PCDHGA1: variants seen among roughly 807,000 people sequenced by gnomAD.
The protein encoded by PCDHGA1 is protocadherin gamma-A1.
In PCDHGA1, 32 loss-of-function variants were observed where a neutral mutation model predicts 58.0. The observed-to-expected ratio is 0.55, with a 90% CI of 0.42 to 0.74. PCDHGA1 has a LOEUF of 0.74. PCDHGA1 is among the 30% of genes least tolerant of loss of function. The pLI is 0.00. For synonymous variants in PCDHGA1, 498 were observed against 501.1 expected (o/e 0.99, Z 0.08); for missense variants, 1,205 against 1,182.3 (o/e 1.02, Z -0.28).
intron 1 of PCDHGA1, chr5:141,433,012 G>A (rs1402902269): frequency 2.5e-6 from 4 of 1,614,054 alleles, no homozygotes; most frequent in Non-Finnish European, 3.4e-6. Flanking sequence ...CTTTCCTGCA[G>A]ACCTATTCCC....
chr5:141,414,995 G>C (rs1431326081), intron 1 of PCDHGA1: 14 of 1,613,640 alleles, frequency 8.7e-6, no homozygotes, highest in Non-Finnish European at 1.2e-5. Context: ...CAGAACGCCT[G>C]GCTGTCCTAC....
Position 141,402,817 on chromosome 5 carries a change from C to T in PCDHGA1, c.2421+69712C>T, listed in dbSNP as rs1040353038. On this transcript the variant is annotated intron_variant, in intron 1 of 3. Transcript: ENST00000517417. ...ACAAAACCCGGCAGATACCACAAACCTGCTCCCAGGCTGCAGCAAAACTCA... is the reference window on the plus strand; with the variant it reads ...ACAAAACCCGGCAGATACCACAAACTTGCTCCCAGGCTGCAGCAAAACTCA... The T allele has an allele frequency of 6.3e-6, 8 of 1,267,616 alleles. No homozygotes were observed. In the African/African-American group the frequency reaches 1.2e-4, roughly 19 times the overall value. The allele number at this position is 1,267,616 out of a possible 1,614,324, so 78.5% of individuals were successfully genotyped here.
intron 1 of PCDHGA1, among the ~76,000 whole-genome samples, chr5:141,450,976 C>T (rs2098702750): frequency 6.6e-6 from 1 of 152,032 alleles, no homozygotes; most frequent in Admixed American, 6.6e-5. Flanking sequence ...AGGCATGTGC[C>T]ACCACACCCG....
At chr5:141,343,000 T>G (rs1321522178) in intron 1 of PCDHGA1, 2 of 152,462 alleles carry the variant, frequency 1.3e-5, no homozygotes, top group Non-Finnish European at 1.5e-5. Context: ...GATCCACTCC[T>G]CTCATGTTTC....
chr5:141,368,928 C>T (rs190760255), intron 1 of PCDHGA1, among the ~76,000 whole-genome samples: 45 of 152,290 alleles, frequency 3.0e-4, no homozygotes, highest in Middle Eastern at 3.4e-3. Flanking sequence ...GAGTGTCTGT[C>T]TAGAATTCTG....
At chr5:141,358,990 A>G (rs552120957) in intron 1 of PCDHGA1, among the ~76,000 whole-genome samples, 2 of 152,376 alleles carry the variant, frequency 1.3e-5, no homozygotes, top group Non-Finnish European at 2.9e-5. Context: ...TCATGAATGC[A>G]TATGCTTACA....
intron 1 of PCDHGA1, among the ~76,000 whole-genome samples, chr5:141,434,490 G>A (rs566645029): frequency 2.5e-4 from 38 of 152,274 alleles, no homozygotes; most frequent in Non-Finnish European, 4.9e-4. Flanking sequence ...CACCTGGCCC[G>A]CCCAGGGCAG....
chr5:141,511,537 A>C lies in PCDHGA1; in HGVS notation c.*364A>C. 6.3e-6 allele frequency: 2 copies of C among 319,254 alleles called. No individual in the cohort carries two copies. The highest frequency in any genetic ancestry group is 6.7e-5 in the South Asian group (2 of 29,854). 19.8% of individuals were successfully genotyped at this position (319,254 alleles called of 1,614,324 possible). A position where few individuals can be genotyped will look rare whatever the true frequency, so the allele number is the denominator to read the frequency against. On this transcript the variant is annotated 3_prime_UTR_variant, in exon 4 of 4. Transcript: ENST00000517417. ...TCCATCCCATGCCTCCCTCCTCCCC[A>C]CCCCACTCCAACAGTTCCTCTTTCC... is the stretch of plus-strand genomic sequence containing the variant.
chr5:141,370,781 C>T (rs774285137), intron 1 of PCDHGA1: 16 of 1,613,898 alleles, frequency 9.9e-6, no homozygotes, highest in Non-Finnish European at 1.3e-5. Context: ...TTAACGACAA[C>T]CCACCGACCT....
chr5:141,383,087 G>A, intron 1 of PCDHGA1: 2 of 1,613,912 alleles, frequency 1.2e-6, no homozygotes, highest in Non-Finnish European at 1.7e-6. Flanking sequence ...GCGGAGCGCG[G>A]AGTCCGCATC....
intron 1 of PCDHGA1, chr5:141,404,124 C>G: frequency 1.2e-6 from 2 of 1,613,272 alleles, no homozygotes; most frequent in Non-Finnish European, 1.7e-6. Flanking sequence ...GAGAATCTAT[C>G]TTTTACATTA....
intron 1 of PCDHGA1, chr5:141,390,297 G>A (rs1313373310): frequency 6.2e-7 from 1 of 1,613,826 alleles, no homozygotes; most frequent in East Asian, 2.2e-5. Context: ...TTTCCTTTAA[G>A]TATAATTTAA....
intron 1 of PCDHGA1, chr5:141,422,988 C>T: frequency 6.2e-7 from 1 of 1,614,232 alleles, no homozygotes; most frequent in Non-Finnish European, 8.5e-7. Context: ...AACCTGGCTA[C>T]CTGGTGACCA....
intron 1 of PCDHGA1, chr5:141,341,312 A>G (rs763005033): frequency 1.2e-6 from 2 of 1,614,258 alleles, no homozygotes; most frequent in Admixed American, 3.3e-5. Flanking sequence ...CACGCTCATC[A>G]GCCAGGAGAG....
chr5:141,465,501 C>T (rs1044567555), intron 1 of PCDHGA1, among the ~76,000 whole-genome samples: 1 of 152,164 alleles, frequency 6.6e-6, no homozygotes, highest in Non-Finnish European at 1.5e-5. Context: ...GGAGCATTGT[C>T]GTGGTCAGGA....
chr5:141,342,173 A>G (rs1287972648), intron 1 of PCDHGA1: 1 of 152,126 alleles, frequency 6.6e-6, no homozygotes, highest in African/African-American at 2.4e-5. Flanking sequence ...AATAATATAT[A>G]TCCTCAATAT....
chr5:141,422,877 C>A, intron 1 of PCDHGA1: 1 of 1,614,246 alleles, frequency 6.2e-7, no homozygotes. Context: ...TGTCGCTGAG[C>A]CTGTTCGTGC....
chr5:141,351,376 T>C (rs1181655493), intron 1 of PCDHGA1: 2 of 1,612,508 alleles, frequency 1.2e-6, no homozygotes, highest in East Asian at 2.2e-5. Flanking sequence ...ACAAGGATTC[T>C]GGGCAAAATG....
intron 1 of PCDHGA1, chr5:141,394,624 T>C (rs542816387): frequency 6.2e-7 from 1 of 1,613,110 alleles, no homozygotes; most frequent in African/African-American, 1.3e-5. Flanking sequence ...AACGCCTGGC[T>C]GTCCTACCGC....
Sources: gnomAD v4.1 joint callset for allele counts (sites outside exome capture counted in the v4.1 genomes callset) on GRCh38, gnomAD v4.1.1 for gene constraint, MANE v1.5 for transcripts, NCBI Gene and HGNC (gene_info 2026-07-23, HGNC 2026-07-21) for gene names.